Variants in TRIM44 observed in about 807,000 individuals in gnomAD.
TRIM44 encodes the protein tripartite motif containing 44.
In TRIM44, 13 loss-of-function variants were observed where a neutral mutation model predicts 37.4. That is an observed-to-expected ratio of 0.35 (90% CI 0.23 to 0.55). The LOEUF (loss-of-function observed/expected upper bound fraction) is 0.55, where lower values mean the gene tolerates loss of function less well. Ranked by LOEUF, TRIM44 falls within the 20% of genes least tolerant of loss-of-function variation. The probability of loss-of-function intolerance (pLI) is 0.89; values close to 1 mark genes in which losing one functional copy is unlikely to be tolerated. For missense variants in TRIM44, 426 were observed against 437.2 expected (o/e 0.97, Z 0.23); for synonymous variants, 175 against 157.2 (o/e 1.11, Z -0.85).
At chr11:35,698,073 G>C (rs1249435157) in intron 2 of TRIM44, among the ~76,000 whole-genome samples, 6 of 151,672 alleles carry the variant, frequency 4.0e-5, no homozygotes, top group African/African-American at 1.2e-4. Flanking sequence ...CCCACCAACA[G>C]TGTAAAAGTG....
intron 4 of TRIM44, among the ~76,000 whole-genome samples, chr11:35,749,474 C>T (rs1200444831): frequency 6.6e-6 from 1 of 152,134 alleles, no homozygotes; most frequent in East Asian, 1.9e-4. Context: ...TGATTGAGGC[C>T]AGGAGTTCCA....
intron 2 of TRIM44, among the ~76,000 whole-genome samples, chr11:35,714,256 G>A (rs749280818): frequency 5.9e-5 from 9 of 152,118 alleles, no homozygotes; most frequent in Non-Finnish European, 1.0e-4. Context: ...TTCTGCTGAT[G>A]GTTCTGTGTG....
At chr11:35,783,767 A>G (rs1853094623) in intron 4 of TRIM44, among the ~76,000 whole-genome samples, 1 of 152,134 alleles carries the variant, frequency 6.6e-6, no homozygotes, top group South Asian at 2.1e-4. Flanking sequence ...TTTGGAGGTA[A>G]TTCACTATGC....
intron 4 of TRIM44, among the ~76,000 whole-genome samples, chr11:35,761,439 A>T (rs1852727326): frequency 6.6e-6 from 1 of 151,920 alleles, no homozygotes; most frequent in African/African-American, 2.4e-5. Context: ...CATGTTCTAG[A>T]CTTGGAAAAT....
At chr11:35,677,755 C>G (rs966132306) in intron 1 of TRIM44, among the ~76,000 whole-genome samples, 2 of 152,088 alleles carry the variant, frequency 1.3e-5, no homozygotes, top group African/African-American at 2.4e-5. Context: ...CAACAAGAAG[C>G]AACTCTAAGT....
chr11:35,791,463 T>A (rs1364631400), intron 4 of TRIM44, among the ~76,000 whole-genome samples: 1 of 151,792 alleles, frequency 6.6e-6, no homozygotes, highest in Non-Finnish European at 1.5e-5. Flanking sequence ...CCTCCTGTTC[T>A]TTCCCATCTA....
At chr11:35,791,579 A>C (rs1313149588) in intron 4 of TRIM44, among the ~76,000 whole-genome samples, 1 of 152,034 alleles carries the variant, frequency 6.6e-6, no homozygotes, top group African/African-American at 2.4e-5. Context: ...ACCATCGCAC[A>C]TTTTATCTCA....
chr11:35,683,184 T>C (rs1327796016), intron 1 of TRIM44, among the ~76,000 whole-genome samples: 1 of 152,138 alleles, frequency 6.6e-6, no homozygotes, highest in Non-Finnish European at 1.5e-5. Context: ...CTAAGTTCCT[T>C]TTGTCAACTG....
At chr11:35,716,852 T>A (rs1852044653) in intron 2 of TRIM44, among the ~76,000 whole-genome samples, 1 of 152,200 alleles carries the variant, frequency 6.6e-6, no homozygotes, top group Admixed American at 6.5e-5. Context: ...TATGCCTGAA[T>A]TTGGGCAGGT....
intron 3 of TRIM44, 135 bp downstream of exon 3, chr11:35,726,298 A>G (rs1852174447): frequency 4.3e-6 from 5 of 1,161,592 alleles, no homozygotes; most frequent in Middle Eastern, 2.1e-4. Flanking sequence ...CACATGGTGT[A>G]TAAACCAGTA....
rs1393711374 is a variant in TRIM44 at position 35,810,790 on chromosome 11, G to A, written c.*4405G>A. 1.1e-4 allele frequency: 17 copies of A among 152,132 alleles called. No homozygotes were observed. The highest frequency in any genetic ancestry group is 4.1e-4 in the African/African-American group (17 of 41,422). The allele number at this position is 152,132 out of a possible 1,614,324, so 9.4% of individuals were successfully genotyped here. On this transcript the variant is annotated 3_prime_UTR_variant, in exon 5 of 5. Coordinates refer to ENST00000299413, the MANE Select transcript of TRIM44 (RefSeq NM_017583.6). ...AGTGACAGGCCACACTGCATGAATG[G>A]GGAGAACCAATGAATCCATTGTCCT...
At chr11:35,739,655 TG>T (rs979497574) in intron 4 of TRIM44, among the ~76,000 whole-genome samples, 2 of 152,086 alleles carry the variant, frequency 1.3e-5, no homozygotes, top group African/African-American at 4.8e-5. Flanking sequence ...GGGTGCTCCC[TG>T]GGGAGCAGCC....
chr11:35,707,770 G>C (rs1252257182), intron 2 of TRIM44, among the ~76,000 whole-genome samples: 1 of 140,752 alleles, frequency 7.1e-6, no homozygotes, highest in East Asian at 2.0e-4. Context: ...ATTCAAGATG[G>C]ATTAAAGACT....
chr11:35,676,470 A>G (rs562423102), intron 1 of TRIM44, among the ~76,000 whole-genome samples: 2 of 152,296 alleles, frequency 1.3e-5, no homozygotes, highest in South Asian at 4.1e-4. Context: ...GCTTCTGTAT[A>G]TTTCAGTGTC....
chr11:35,705,876 T>C (rs935834949), intron 2 of TRIM44, among the ~76,000 whole-genome samples: 3 of 148,322 alleles, frequency 2.0e-5, no homozygotes, highest in Non-Finnish European at 4.5e-5. Flanking sequence ...AGCAAACACA[T>C]TCAAAAGCTA....
At chr11:35,761,800 T>G (rs2133860232) in intron 4 of TRIM44, among the ~76,000 whole-genome samples, 1 of 152,384 alleles carries the variant, frequency 6.6e-6, no homozygotes, top group African/African-American at 2.4e-5. Context: ...GCATGTCTCC[T>G]CTTAAAGATG....
chr11:35,663,044 T>G lies in TRIM44; in HGVS notation c.-68T>G, dbSNP rs1851288047. 2 of 1,447,886 alleles carry G rather than the reference T, an allele frequency of 1.4e-6. No individual in the cohort carries two copies. The highest frequency in any genetic ancestry group is 1.8e-6 in the Non-Finnish European group (2 of 1,107,156). The allele number at this position is 1,447,886 out of a possible 1,614,324, so 89.7% of individuals were successfully genotyped here. Reference sequence around the variant, plus strand: ...AGGGACCCGGGGCGGGAGGAGGAAGTGAGGCCGCGCGGAAGGAAGGCGGCG... The same window carrying G: ...AGGGACCCGGGGCGGGAGGAGGAAGGGAGGCCGCGCGGAAGGAAGGCGGCG... On this transcript the variant is annotated 5_prime_UTR_variant, in exon 1 of 5. Transcript: ENST00000299413.
intron 3 of TRIM44, among the ~76,000 whole-genome samples, chr11:35,733,028 A>G (rs898228551): frequency 1.3e-5 from 2 of 152,198 alleles, no homozygotes; most frequent in African/African-American, 4.8e-5. Context: ...ATTCAAGGAA[A>G]GTAAAATAAT....
Position 35,780,050 on chromosome 11 carries a change from G to A in TRIM44, c.1008-26308G>A, listed in dbSNP as rs140694004. On this transcript the variant is annotated intron_variant, in intron 4 of 4. Coordinates refer to ENST00000299413, the MANE Select transcript of TRIM44 (RefSeq NM_017583.6). ...GAAGTCAGGTAATATGATGCCTCCA[G>A]CTTTGTTCTTTTTGCTTAGGATTGC... Among the ~76,000 whole-genome samples, 1,295 of 152,032 alleles carry A rather than the reference G, an allele frequency of 8.5e-3. 7 individuals carry two copies. Among genetic ancestry groups the A allele is most frequent in the Non-Finnish European group, 0.013 (859 of 67,962 alleles).
Sources: gnomAD v4.1 joint callset for allele counts (sites outside exome capture counted in the v4.1 genomes callset) on GRCh38, gnomAD v4.1.1 for gene constraint, MANE v1.5 for transcripts, NCBI Gene and HGNC (gene_info 2026-07-23, HGNC 2026-07-21) for gene names.